The following MBTPS1 variants were observed in gnomAD, a reference collection of about 807,000 sequenced individuals.
MBTPS1 encodes membrane-bound transcription factor site-1 protease.
In MBTPS1, 94 loss-of-function variants were observed where a neutral mutation model predicts 127.8. The ratio of observed to expected loss-of-function variants is 0.74; its 90% CI spans 0.62 to 0.87. The LOEUF (loss-of-function observed/expected upper bound fraction) is 0.87, where lower values mean the gene tolerates loss of function less well. Among genes scored for constraint, MBTPS1 ranks in the 40% least tolerant of loss-of-function variants. MBTPS1 has a pLI of 0.00. For missense variants in MBTPS1, 1,636 were observed against 1,353.2 expected, an observed-to-expected ratio of 1.21 and a Z score of -3.28; for synonymous variants, 632 against 509.4, an observed-to-expected ratio of 1.24 and a Z score of -3.24.
chr16:84,088,004 G>C (rs921714735), intron 8 of MBTPS1, among the ~76,000 whole-genome samples: 1 of 152,174 alleles, frequency 6.6e-6, no homozygotes, highest in African/African-American at 2.4e-5. Flanking sequence ...GGGAACTGTA[G>C]AAGGACTATC....
At chr16:84,059,272 A>C (rs768932885) in intron 21 of MBTPS1, 30 bp downstream of exon 21, 3 of 1,594,050 alleles carry the variant, frequency 1.9e-6, no homozygotes, top group Admixed American at 1.7e-5. Flanking sequence ...GCCCCGTGGA[A>C]AGAGTGGAAG....
At chr16:84,067,622 A>T in intron 16 of MBTPS1, 45 bp downstream of exon 16, 1 of 1,446,742 alleles carries the variant, frequency 6.9e-7, no homozygotes, top group Non-Finnish European at 9.5e-7. Context: ...GTAGAATTTG[A>T]TTCCCCAAAA....
At chr16:84,071,473 G>A (rs1187706648) in intron 12 of MBTPS1, among the ~76,000 whole-genome samples, 1 of 152,204 alleles carries the variant, frequency 6.6e-6, no homozygotes, top group East Asian at 1.9e-4. Context: ...AAAAATATCT[G>A]TAGGATACGG....
chr16:84,101,472 CAG>C, intron 2 of MBTPS1, 147 bp downstream of exon 2: 1 of 636,666 alleles, frequency 1.6e-6, no homozygotes, highest in African/African-American at 1.9e-5. Flanking sequence ...GCCTGGGTGA[CAG>C]AGTGAGACTC....
chr16:84,116,623 C>G (rs1427679281), intron 1 of MBTPS1, 112 bp downstream of exon 1: 5 of 152,140 alleles, frequency 3.3e-5, no homozygotes, highest in Non-Finnish European at 7.4e-5. Context: ...CCCGGCCCGG[C>G]CCCCGCAGCC....
Position 84,093,430 on chromosome 16 carries a change from T to C in MBTPS1, c.737-133A>G. On this transcript the variant is annotated intron_variant, in intron 5 of 22. Transcript: ENST00000343411. ...TAGAGGAGGGCCTCTGCTGCTGCTC[T>C]ACGATCCCCTTAGACGTCACTGGCA... 7.3e-6 allele frequency: 5 copies of C among 686,210 alleles called. No individual in the cohort carries two copies. In the South Asian group the frequency reaches 8.5e-5, roughly 12 times the overall value. The allele number at this position is 686,210 out of a possible 1,614,324, so 42.5% of individuals were successfully genotyped here. A position where few individuals can be genotyped will look rare whatever the true frequency, so the allele number is the denominator to read the frequency against.
intron 21 of MBTPS1, chr16:84,056,527 C>T (rs1235601662): frequency 2.4e-5 from 4 of 167,308 alleles, no homozygotes; most frequent in Non-Finnish European, 2.6e-5. Context: ...GGTCCTCTCC[C>T]TAAGGCCTGG....
At chr16:84,104,385 C>T (rs1410783730) in intron 1 of MBTPS1, among the ~76,000 whole-genome samples, 1 of 152,054 alleles carries the variant, frequency 6.6e-6, no homozygotes, top group Non-Finnish European at 1.5e-5. Context: ...AGGAAGATTG[C>T]TTTAGCCTGG....
intron 14 of MBTPS1, among the ~76,000 whole-genome samples, chr16:84,068,913 C>G (rs73243088): frequency 0.026 from 3,996 of 152,276 alleles, 158 homozygotes; most frequent in African/African-American, 0.091. Flanking sequence ...CCATCCCCGT[C>G]CCTCCCAAAT....
chr16:84,112,706 G>A (rs1197754028), intron 1 of MBTPS1, among the ~76,000 whole-genome samples: 1 of 150,496 alleles, frequency 6.6e-6, no homozygotes, highest in African/African-American at 2.4e-5. Flanking sequence ...CGGGCTCGGT[G>A]GCTCACAGCT....
intron 21 of MBTPS1, among the ~76,000 whole-genome samples, chr16:84,058,654 C>T (rs970369631): frequency 2.0e-5 from 3 of 152,180 alleles, no homozygotes; most frequent in Non-Finnish European, 4.4e-5. Context: ...CCAGCCATGC[C>T]GAGCTGGTCC....
chr16:84,096,646 C>A (rs2086183259), intron 3 of MBTPS1, among the ~76,000 whole-genome samples: 1 of 152,162 alleles, frequency 6.6e-6, no homozygotes, highest in Non-Finnish European at 1.5e-5. Context: ...CTTTCTAAAG[C>A]AAATCACTGT....
chr16:84,093,494 G>C (rs3743636), intron 5 of MBTPS1, among the ~76,000 whole-genome samples, 197 bp from the exon 6 acceptor site: 32,053 of 151,946 alleles, frequency 0.21, 3,899 homozygotes, highest in African/African-American at 0.33. Flanking sequence ...CACGCTCTCC[G>C]GGACAGGGAG....
chr16:84,055,230 C>T (rs530801695), intron 22 of MBTPS1, among the ~76,000 whole-genome samples: 7 of 152,186 alleles, frequency 4.6e-5, no homozygotes, highest in Admixed American at 2.0e-4. Context: ...CAGCGCACCC[C>T]GTGACCTATG....
At chr16:84,089,384 C>G (rs1179632025) in intron 8 of MBTPS1, among the ~76,000 whole-genome samples, 1 of 152,218 alleles carries the variant, frequency 6.6e-6, no homozygotes, top group African/African-American at 2.4e-5. Context: ...TGACCCTTTA[C>G]AGAAAAAGTT....
In MBTPS1 at chr16:84,085,054, C is replaced by T; in HGVS notation, c.1215G>A (p.Gly405=). 1.2e-6 allele frequency: 2 copies of T among 1,614,150 alleles called. No individual in the cohort carries two copies. The highest frequency in any genetic ancestry group is 8.5e-7 in the Non-Finnish European group (1 of 1,180,020). ...TGGTCCCTGAGAGGGCCCGGCACCCCCCTTTCACGCCAGAACCCCGCACGC... is the reference window on the plus strand; with the variant it reads ...TGGTCCCTGAGAGGGCCCGGCACCCTCCTTTCACGCCAGAACCCCGCACGC... ...GAGVRGSGVK[G]GCRALSGTSV... Residue 405 remains glycine, a synonymous_variant, in exon 10 of 23, where the codon GGG becomes GGA. Coordinates refer to ENST00000343411, the MANE Select transcript of MBTPS1 (RefSeq NM_003791.4).
chr16:84,067,607 G>C (rs1271108611), intron 16 of MBTPS1, 60 bp downstream of exon 16: 1 of 1,304,818 alleles, frequency 7.7e-7, no homozygotes, highest in African/African-American at 1.5e-5. Context: ...TTAAGTATTT[G>C]CTGGGTAGAA....
At chr16:84,064,666 C>G (rs947418321) in intron 18 of MBTPS1, among the ~76,000 whole-genome samples, 1 of 152,194 alleles carries the variant, frequency 6.6e-6, no homozygotes, top group East Asian at 1.9e-4. Flanking sequence ...CAGCTAGAAC[C>G]TGAAGTGATA....
At chr16:84,114,832 A>ATAAATATAAATAT in intron 1 of MBTPS1, among the ~76,000 whole-genome samples, 2 of 151,496 alleles carry the variant, frequency 1.3e-5, no homozygotes, top group African/African-American at 4.8e-5. Context: ...CTGTCTCAAA[A>ATAAATATAAATAT]AAATAAAAAT....
Sources: gnomAD v4.1 joint callset for allele counts (sites outside exome capture counted in the v4.1 genomes callset) on GRCh38, gnomAD v4.1.1 for gene constraint, MANE v1.5 for transcripts, NCBI Gene and HGNC (gene_info 2026-07-23, HGNC 2026-07-21) for gene names.